The following PLEKHG3 variants were observed in gnomAD, a reference collection of about 807,000 sequenced individuals.
PLEKHG3 encodes the protein pleckstrin homology and RhoGEF domain containing G3.
PLEKHG3 carries 62 observed loss-of-function variants against 94.9 expected under a neutral mutation model. The ratio of observed to expected loss-of-function variants is 0.65; its 90% CI spans 0.53 to 0.81. The LOEUF (loss-of-function observed/expected upper bound fraction) is 0.81. Among genes scored for constraint, PLEKHG3 ranks in the 30% least tolerant of loss-of-function variants. The pLI is 0.00. For synonymous variants in PLEKHG3, 614 were observed against 654.0 expected (o/e 0.94, Z 0.93); for missense variants, 1,461 against 1,619.3 (o/e 0.90, Z 1.68).
Position 64,749,119 on chromosome 14 carries a change from T to TGGAGGGGGCGTCG in PLEKHG3, c.*5418_*5430dup, listed in dbSNP as rs2081898711. On this transcript the variant is annotated 3_prime_UTR_variant, in exon 17 of 17. Transcript: ENST00000247226. The surrounding 1 kb of genome is among the most constrained non-coding windows in gnomAD (Gnocchi z 4.7). Reference sequence around the variant, plus strand: ...AGCGGAGCCAGCGCGGGCGAGGGCATGGAGGGGGCGTCGGCCCAGGACACG... The same window carrying TGGAGGGGGCGTCG: ...AGCGGAGCCAGCGCGGGCGAGGGCATGGAGGGGGCGTCGGGAGGGGGCGTCGGCCCAGGACACG... 3.3e-6 allele frequency: 2 copies of TGGAGGGGGCGTCG among 601,888 alleles called. No homozygotes were observed. Among genetic ancestry groups the TGGAGGGGGCGTCG allele is most frequent in the Non-Finnish European group, 5.4e-6 (2 of 367,028 alleles). The allele number at this position is 601,888 out of a possible 1,614,324, so 37.3% of individuals were successfully genotyped here.
chr14:64,737,669 G>A (rs1454469203), intron 14 of PLEKHG3, among the ~76,000 whole-genome samples: 1 of 152,222 alleles, frequency 6.6e-6, no homozygotes, highest in African/African-American at 2.4e-5. Flanking sequence ...GGCCTGTTTG[G>A]GTTCTGAAGT....
chr14:64,743,753 C>G lies in PLEKHG3; in HGVS notation c.*50C>G. On this transcript the variant is annotated 3_prime_UTR_variant, in exon 17 of 17. Transcript: ENST00000247226. The surrounding 1 kb of genome is among the most constrained non-coding windows in gnomAD (Gnocchi z 7.2). ...GTCATGTTGGAGGTTGGGGAAGAAC[C>G]TGGGCATCCTTCCCCTCAAGCCTGG... is the stretch of plus-strand genomic sequence containing the variant. 5.3e-6 allele frequency: 8 copies of G among 1,497,160 alleles called. No homozygotes were observed. Among genetic ancestry groups the G allele is most frequent in the Non-Finnish European group, 7.1e-6 (8 of 1,128,614 alleles). The allele number at this position is 1,497,160 out of a possible 1,614,324, so 92.7% of individuals were successfully genotyped here.
rs1174012181 is a variant in PLEKHG3, at chr14:64,731,383, A to G, written c.872A>G (p.Asn291Ser). The stretch of plus-strand genomic sequence containing the variant: ...CAGGAGATTCAGTCACTCCTCATCA[A>G]CTGGAAGGGGCCCGACCTGACCACC... ...RLQEIQSLLI[N>S]WKGPDLTTYG... is the part of the protein sequence containing the mutation. The change falls in exon 8 of 17, where the codon AAC becomes AGC. Residue 291 changes from asparagine (N) to serine (S), a missense_variant. Asn to Ser is a conservative substitution (Grantham distance 46). Coordinates refer to ENST00000247226, the MANE Select transcript of PLEKHG3 (RefSeq NM_001308147.2). The surrounding 1 kb of genome is among the most constrained non-coding windows in gnomAD (Gnocchi z 6.1). 9 of 1,613,742 alleles carry G rather than the reference A, an allele frequency of 5.6e-6. No homozygotes were observed. The East Asian group carries it at 1.3e-4, about 24-fold the overall frequency.
intron 1 of PLEKHG3, among the ~76,000 whole-genome samples, chr14:64,719,025 G>A (rs1480307184): frequency 2.0e-5 from 3 of 152,108 alleles, no homozygotes; most frequent in African/African-American, 2.4e-5. Context: ...CTATAGCTGC[G>A]GGATTCGGAC....
intron 1 of PLEKHG3, among the ~76,000 whole-genome samples, chr14:64,710,459 C>T (rs181240720): frequency 6.6e-5 from 10 of 152,282 alleles, no homozygotes; most frequent in East Asian, 5.8e-4. Flanking sequence ...CACCTGAGGT[C>T]GGGAGTTTGA....
chr14:64,705,661 C>T (rs1349086080), intron 1 of PLEKHG3, among the ~76,000 whole-genome samples: 1 of 152,172 alleles, frequency 6.6e-6, no homozygotes, highest in Non-Finnish European at 1.5e-5. Context: ...ATGGCCCTTG[C>T]TCAAGAAATA....
Position 64,741,749 on chromosome 14 carries a change from C to T in PLEKHG3, c.2232C>T (p.Tyr744=), listed in dbSNP as rs922712906. The T allele has an allele frequency of 1.6e-5, 26 of 1,613,248 alleles. No homozygotes were observed. Among genetic ancestry groups the T allele is most frequent in the Non-Finnish European group, 2.2e-5 (26 of 1,180,034 alleles). The part of the protein sequence containing the change: ...FSVRRRESLS[Y]IPKGLVRNSI... ...TCCGTCGCCGGGAGAGCCTCTCCTA[C>T]ATCCCCAAAGGACTGGTAAGAAACT... The change falls in exon 16 of 17, where the codon TAC becomes TAT. Residue 744 remains tyrosine (Y), a synonymous_variant. Transcript: ENST00000247226.
chr14:64,723,827 A>AT lies in PLEKHG3; in HGVS notation c.-39-3764dup, dbSNP rs2081306194. On this transcript the variant is annotated intron_variant, in intron 1 of 16. Transcript: ENST00000247226. The surrounding 1 kb of genome is among the most constrained non-coding windows in gnomAD (Gnocchi z 4.5). ...AGAAAGCGAGTTTTCTAGAAGACTG[A>AT]TTCACTGATTGATGACTGACTGGAT... 1 of 152,410 alleles carries AT rather than the reference A, an allele frequency of 6.6e-6. No homozygotes were observed. The highest frequency in any genetic ancestry group is 1.9e-4 in the East Asian group (1 of 5,174). 9.4% of individuals were successfully genotyped at this position (152,410 alleles called of 1,614,324 possible). A position where few individuals can be genotyped will look rare whatever the true frequency, so the allele number is the denominator to read the frequency against.
Position 64,742,269 on chromosome 14 carries a change from G to T in PLEKHG3, c.2752G>T (p.Val918Leu). The change falls in exon 16 of 17, where the codon GTG (valine) becomes TTG (leucine). Residue 918 changes from valine to leucine, a missense_variant. This residue lies in a region of PLEKHG3 where 1,201 missense variants were observed against 1,295.5 expected (regional missense o/e 0.93). Transcript: ENST00000247226. ...GCTCTCCCACGTAATGGACAGCCAC[G>T]TGAGCGAGCGCGTCAAGAACAAGGT... ...VQLSHVMDSH[V>L]SERVKNKVYQ... 6.2e-7 allele frequency: 1 copy of T among 1,612,994 alleles called. No homozygotes were observed. The highest frequency in any genetic ancestry group is 8.5e-7 in the Non-Finnish European group (1 of 1,180,030).
intron 1 of PLEKHG3, among the ~76,000 whole-genome samples, chr14:64,711,996 A>G (rs1261873875): frequency 1.3e-5 from 2 of 152,154 alleles, no homozygotes; most frequent in Non-Finnish European, 2.9e-5. Context: ...TCTGTGACCC[A>G]TTTTGACTTT....
chr14:64,739,001 C>T lies in PLEKHG3; in HGVS notation c.1518+146C>T. ...CCACCTCCCAGGACTCTCAGCCCTG[C>T]ATGAAGCCTGTTTGGCCTAGAGTAT... On this transcript the variant is annotated intron_variant, in intron 15 of 16. Transcript: ENST00000247226. The surrounding 1 kb of genome is among the most constrained non-coding windows in gnomAD (Gnocchi z 4.1). 1 of 637,742 alleles carries T rather than the reference C, an allele frequency of 1.6e-6. No individual in the cohort carries two copies. The highest frequency in any genetic ancestry group is 2.6e-5 in the Admixed American group (1 of 39,012). The allele number at this position is 637,742 out of a possible 1,614,324, so 39.5% of individuals were successfully genotyped here. A position where few individuals can be genotyped will look rare whatever the true frequency, so the allele number is the denominator to read the frequency against.
In PLEKHG3 at chr14:64,745,238, T is replaced by C. The variant is rs1263793135; in HGVS notation, c.*1535T>C. On this transcript the variant is annotated 3_prime_UTR_variant, in exon 17 of 17. Transcript: ENST00000247226. The surrounding 1 kb of genome is among the most constrained non-coding windows in gnomAD (Gnocchi z 5.0). ...AGTTAGGAATGCCTCCCTATTTCAG[T>C]TGGGTTTTCTGCCCTTTCTCCACAG... 6.6e-6 allele frequency: 1 copy of C among 152,266 alleles called. No homozygotes were observed. The highest frequency in any genetic ancestry group is 1.5e-5 in the Non-Finnish European group (1 of 68,052). 9.4% of individuals were successfully genotyped at this position (152,266 alleles called of 1,614,324 possible). A position where few individuals can be genotyped will look rare whatever the true frequency, so the allele number is the denominator to read the frequency against.
In PLEKHG3 at chr14:64,749,045, G is replaced by C. The variant is rs914124623; in HGVS notation, c.*5342G>C. 1.2e-5 allele frequency: 5 copies of C among 407,424 alleles called. No homozygotes were observed. In the East Asian group the frequency reaches 2.8e-4, roughly 23 times the overall value. 25.2% of individuals were successfully genotyped at this position (407,424 alleles called of 1,614,324 possible). On this transcript the variant is annotated 3_prime_UTR_variant, in exon 17 of 17. Transcript: ENST00000247226. The surrounding 1 kb of genome is among the most constrained non-coding windows in gnomAD (Gnocchi z 4.7). ...TCAGAGAACCGTTTCCTGCCCCCAGGCCTGGAGGCCCCAAAGGCGCCAGAG... is the reference window on the plus strand; with the variant it reads ...TCAGAGAACCGTTTCCTGCCCCCAGCCCTGGAGGCCCCAAAGGCGCCAGAG...
chr14:64,719,752 C>T (rs1232464120), intron 1 of PLEKHG3, among the ~76,000 whole-genome samples: 3 of 152,020 alleles, frequency 2.0e-5, no homozygotes, highest in South Asian at 2.1e-4. Context: ...CTCCTACCCA[C>T]CCACCCCGCT....
chr14:64,722,331 C>T lies in PLEKHG3; in HGVS notation c.-39-5262C>T, dbSNP rs904575896. Reference sequence around the variant, plus strand: ...TCAAGCAATTCTCCTGCCTCAGCCTCGCGAGTAGCTGGGATTACAGGTGCA... The same window carrying T: ...TCAAGCAATTCTCCTGCCTCAGCCTTGCGAGTAGCTGGGATTACAGGTGCA... On this transcript the variant is annotated intron_variant, in intron 1 of 16. Transcript: ENST00000247226. The surrounding 1 kb of genome is among the most constrained non-coding windows in gnomAD (Gnocchi z 4.3). Among the ~76,000 whole-genome samples the T allele has an allele frequency of 1.3e-5, 2 of 152,134 alleles. No individual in the cohort carries two copies. Among genetic ancestry groups the T allele is most frequent in the Non-Finnish European group, 2.9e-5 (2 of 68,036 alleles).
At position 64,710,564 on chromosome 14, in the gene PLEKHG3, G is replaced by A. The variant is rs1384613114; in HGVS notation, c.-40+5860G>A. ...CGGGCACCCGTAATCCCAGCTACTCGGGAGGCTGAGGCAGGAGAATCACTT... is the reference window on the plus strand; with the variant it reads ...CGGGCACCCGTAATCCCAGCTACTCAGGAGGCTGAGGCAGGAGAATCACTT... On this transcript the variant is annotated intron_variant, in intron 1 of 16. Coordinates refer to ENST00000247226, the MANE Select transcript of PLEKHG3 (RefSeq NM_001308147.2). 2.0e-5 allele frequency among the ~76,000 whole-genome samples: 3 copies of A among 152,134 alleles called. 1 individual carries two copies. Among genetic ancestry groups the A allele is most frequent in the Admixed American group, 2.0e-4 (3 of 15,284 alleles).
Position 64,739,532 on chromosome 14 carries a change from C to T in PLEKHG3, c.1518+677C>T, listed in dbSNP as rs184995126. On this transcript the variant is annotated intron_variant, in intron 15 of 16. Coordinates refer to ENST00000247226, the MANE Select transcript of PLEKHG3 (RefSeq NM_001308147.2). The surrounding 1 kb of genome is among the most constrained non-coding windows in gnomAD (Gnocchi z 4.1). ...AGCCTGGACCCCATGTTGGACCCCA[C>T]AGCCAGGACTGAGAAGCCTGGATGA... 6.6e-6 allele frequency among the ~76,000 whole-genome samples: 1 copy of T among 152,206 alleles called. No individual in the cohort carries two copies. Among genetic ancestry groups the T allele is most frequent in the South Asian group, 2.1e-4 (1 of 4,834 alleles).
chr14:64,731,567 C>T lies in PLEKHG3; in HGVS notation c.1032+24C>T, dbSNP rs1290122736. 1.2e-6 allele frequency: 2 copies of T among 1,608,448 alleles called. No homozygotes were observed. Among genetic ancestry groups the T allele is most frequent in the Admixed American group, 3.3e-5 (2 of 60,010 alleles). ...CGGTAACCAGGCCCTGCCCCATCTC[C>T]TCTGCCATCTTCTCTCCTTCCCAAA... On this transcript the variant is annotated intron_variant, in intron 8 of 16. Coordinates refer to ENST00000247226, the MANE Select transcript of PLEKHG3 (RefSeq NM_001308147.2). This position sits in a 1 kb window ranked among gnomAD's most constrained non-coding sequence, Gnocchi z 6.1.
rs779457202 is a variant in PLEKHG3, at chr14:64,743,398, C to T, written c.3355C>T (p.Leu1119=). 2 of 1,609,484 alleles carry T rather than the reference C, an allele frequency of 1.2e-6. No homozygotes were observed. Among genetic ancestry groups the T allele is most frequent in the Non-Finnish European group, 1.7e-6 (2 of 1,177,558 alleles). The change falls in exon 17 of 17, where the codon CTG becomes TTG. Residue 1119 remains leucine (L), a synonymous_variant. Transcript: ENST00000247226. This position sits in a 1 kb window ranked among gnomAD's most constrained non-coding sequence, Gnocchi z 7.2. Reference sequence around the variant, plus strand: ...AGAGGCTGCCCAATCCCCTGGGCCTCTGCCCCAGAGCAAGCCGGATGGAGG... The same window carrying T: ...AGAGGCTGCCCAATCCCCTGGGCCTTTGCCCCAGAGCAAGCCGGATGGAGG... ...GGEAAQSPGP[L]PQSKPDGGET... is the part of the protein sequence containing the mutation.
Sources: gnomAD v4.1 joint callset for allele counts (sites outside exome capture counted in the v4.1 genomes callset) on GRCh38, gnomAD v4.1.1 for gene constraint, gnomAD v4.1.1 regional missense constraint, Gnocchi (gnomAD v3.1) non-coding constraint, MANE v1.5 for transcripts, NCBI Gene and HGNC (gene_info 2026-07-23, HGNC 2026-07-21) for gene names.